The following CADM1 variants were observed in gnomAD, a reference collection of about 807,000 sequenced individuals.
The protein encoded by CADM1 is cell adhesion molecule 1.
A neutral mutation model predicts 53.1 loss-of-function variants in CADM1; 15 were observed. The observed-to-expected ratio is 0.28, with a 90% confidence interval of 0.19 to 0.44. The LOEUF is 0.44. CADM1 is among the 20% of genes least tolerant of loss of function. The pLI, the probability that CADM1 is intolerant of heterozygous loss-of-function variation, is 1.00. For missense variants in CADM1, 434 were observed against 611.3 expected (o/e 0.71, Z 3.06); for synonymous variants, 281 against 243.0 (o/e 1.16, Z -1.45).
chr11:115,481,490 C>G (rs1489518949), intron 1 of CADM1, among the ~76,000 whole-genome samples: 1 of 152,156 alleles, frequency 6.6e-6, no homozygotes. Context: ...TCCTTAGCTT[C>G]TCTTCCTCTT....
chr11:115,273,239 C>G (rs567374369), intron 1 of CADM1, among the ~76,000 whole-genome samples: 38 of 152,272 alleles, frequency 2.5e-4, no homozygotes, highest in African/African-American at 7.9e-4. Context: ...AAAATAAAAC[C>G]TTGCTTGACC....
At chr11:115,386,401 C>A (rs1946699442) in intron 1 of CADM1, among the ~76,000 whole-genome samples, 2 of 152,146 alleles carry the variant, frequency 1.3e-5, no homozygotes, top group Admixed American at 1.3e-4. Context: ...AGTCTATTTT[C>A]TGTTGCTTAT....
intron 1 of CADM1, among the ~76,000 whole-genome samples, chr11:115,404,579 TAA>T (rs1243893126): frequency 6.7e-6 from 1 of 148,368 alleles, no homozygotes; most frequent in Non-Finnish European, 1.5e-5. Context: ...AAAATTAATA[TAA>T]AAGTTTTATA....
rs1180923325 is a variant in CADM1 at position 115,295,527 on chromosome 11, TATATATATATATATATATATATA to T, written c.125-55130_125-55108del. Among the ~76,000 whole-genome samples, 362 of 83,290 alleles carry T rather than the reference TATATATATATATATATATATATA, an allele frequency of 4.3e-3. 13 individuals are homozygous for T. The highest frequency in any genetic ancestry group is 0.028 in the African/African-American group (337 of 11,936). 54.6% of individuals were successfully genotyped at this position (83,290 alleles called of 152,430 possible). A position where few individuals can be genotyped will look rare whatever the true frequency, so the allele number is the denominator to read the frequency against. On this transcript the variant is annotated intron_variant, in intron 1 of 11. Coordinates refer to ENST00000331581, the MANE Select transcript of CADM1 (RefSeq NM_001301043.2). ...TATTTTATATATATATATATATATA[TATATATATATATATATATATATA>T]ATATATATGTATATGCACATATATA...
chr11:115,255,704 CA>C (rs1942763009), intron 1 of CADM1, among the ~76,000 whole-genome samples: 1 of 151,888 alleles, frequency 6.6e-6, no homozygotes, highest in African/African-American at 2.4e-5. Flanking sequence ...GGCCAGTTTC[CA>C]GGAATAAACA....
At chr11:115,409,313 C>A (rs991797979) in intron 1 of CADM1, among the ~76,000 whole-genome samples, 1 of 152,186 alleles carries the variant, frequency 6.6e-6, no homozygotes, top group Non-Finnish European at 1.5e-5. Flanking sequence ...CCATGCAGCA[C>A]AGAGTCACTT....
rs1938782751 is a variant in CADM1, at chr11:115,171,291, G to T, written c.*5183C>A. 1 of 152,176 alleles carries T rather than the reference G, an allele frequency of 6.6e-6. No individual in the cohort carries two copies. The highest frequency in any genetic ancestry group is 1.5e-5 in the Non-Finnish European group (1 of 68,038). 9.4% of individuals were successfully genotyped at this position (152,176 alleles called of 1,614,324 possible). Reference sequence around the variant, plus strand: ...ACAAAAATACCTTCACTTAAGCAGGGTCTTTCTACCTGTAACACAGTGGCC... The same window carrying T: ...ACAAAAATACCTTCACTTAAGCAGGTTCTTTCTACCTGTAACACAGTGGCC... On this transcript the variant is annotated 3_prime_UTR_variant, in exon 12 of 12. Coordinates refer to ENST00000331581, the MANE Select transcript of CADM1 (RefSeq NM_001301043.2).
intron 1 of CADM1, among the ~76,000 whole-genome samples, chr11:115,319,645 T>C (rs1001301094): frequency 6.6e-6 from 1 of 152,132 alleles, no homozygotes; most frequent in Non-Finnish European, 1.5e-5. Context: ...CTGAAGGCAG[T>C]TCTTTGATTC....
At chr11:115,408,814 CTTAT>C (rs1947381578) in intron 1 of CADM1, among the ~76,000 whole-genome samples, 1 of 152,266 alleles carries the variant, frequency 6.6e-6, no homozygotes, top group East Asian at 1.9e-4. Context: ...CAGAAAAATA[CTTAT>C]TCCAACAGAA....
At chr11:115,328,689 T>TGTATATAC (rs1945031968) in intron 1 of CADM1, among the ~76,000 whole-genome samples, 1 of 23,960 alleles carries the variant, frequency 4.2e-5, no homozygotes, top group African/African-American at 2.8e-4. Flanking sequence ...TGTATATATA[T>TGTATATAC]GTGTATATAT....
chr11:115,246,565 G>C (rs562946524), intron 1 of CADM1, among the ~76,000 whole-genome samples: 74 of 152,312 alleles, frequency 4.9e-4, no homozygotes, highest in African/African-American at 1.7e-3. Context: ...CCAGGGAGCA[G>C]ATAGGCCTGA....
At chr11:115,302,615 T>C (rs1447133150) in intron 1 of CADM1, among the ~76,000 whole-genome samples, 4 of 152,116 alleles carry the variant, frequency 2.6e-5, no homozygotes, top group Admixed American at 2.6e-4. Flanking sequence ...TAAATGCTCA[T>C]TTTCTTACCT....
At chr11:115,422,676 T>C (rs1947787718) in intron 1 of CADM1, among the ~76,000 whole-genome samples, 1 of 152,208 alleles carries the variant, frequency 6.6e-6, no homozygotes, top group Admixed American at 6.5e-5. Context: ...AGTGCAACTC[T>C]TTGGAACAGC....
intron 1 of CADM1, among the ~76,000 whole-genome samples, chr11:115,387,769 T>C: frequency 6.6e-6 from 1 of 152,150 alleles, no homozygotes; most frequent in Non-Finnish European, 1.5e-5. Context: ...AATATGTGCT[T>C]GTGTATGCAC....
At chr11:115,363,224 T>C (rs1946075411) in intron 1 of CADM1, among the ~76,000 whole-genome samples, 1 of 152,152 alleles carries the variant, frequency 6.6e-6, no homozygotes, top group Non-Finnish European at 1.5e-5. Context: ...AGTGCCAAAA[T>C]ACCGCAAGCA....
At chr11:115,447,210 T>C (rs1186436858) in intron 1 of CADM1, among the ~76,000 whole-genome samples, 1 of 152,198 alleles carries the variant, frequency 6.6e-6, no homozygotes, top group Non-Finnish European at 1.5e-5. Flanking sequence ...TGTTAGTATC[T>C]GTATTCCAAA....
Position 115,329,114 on chromosome 11 carries a change from G to T in CADM1, c.125-88694C>A, listed in dbSNP as rs1321667645. On this transcript the variant is annotated intron_variant, in intron 1 of 11. Coordinates refer to ENST00000331581, the MANE Select transcript of CADM1 (RefSeq NM_001301043.2). ...ATCATTTTAGTCTCTCTTAAATGAA[G>T]GACAAATAATTTAGCACTTTTATAC... 1.3e-5 allele frequency among the ~76,000 whole-genome samples: 2 copies of T among 151,666 alleles called. 1 individual carries two copies. The highest frequency in any genetic ancestry group is 4.8e-5 in the African/African-American group (2 of 41,266).
intron 1 of CADM1, among the ~76,000 whole-genome samples, chr11:115,460,882 T>C (rs1948781158): frequency 6.6e-6 from 1 of 152,128 alleles, no homozygotes; most frequent in Non-Finnish European, 1.5e-5. Context: ...CACAGCCTTG[T>C]TCCTTTCAAG....
rs760488690 is a variant in CADM1, at chr11:115,209,665, GA to G, written c.995-9del. 27 of 1,597,856 alleles carry G rather than the reference GA, an allele frequency of 1.7e-5. No homozygotes were observed. The highest frequency in any genetic ancestry group is 5.6e-5 in the South Asian group (5 of 89,236). On this transcript the variant is annotated splice_polypyrimidine_tract_variant and intron_variant, in intron 7 of 11. Coordinates refer to ENST00000331581, the MANE Select transcript of CADM1 (RefSeq NM_001301043.2). Reference sequence around the variant, plus strand: ...GGATAGTTGTGGGGGGATCTGGATAGAAAAAAAAAGGAAAATCAAACCCACA... The same window carrying G: ...GGATAGTTGTGGGGGGATCTGGATAGAAAAAAAAGGAAAATCAAACCCACA...
Sources: gnomAD v4.1 joint callset for allele counts (sites outside exome capture counted in the v4.1 genomes callset) on GRCh38, gnomAD v4.1.1 for gene constraint, MANE v1.5 for transcripts, NCBI Gene and HGNC (gene_info 2026-07-23, HGNC 2026-07-21) for gene names.